Variants in ADAM28 observed in about 807,000 individuals in gnomAD.
ADAM28 encodes ADAM metallopeptidase domain 28.
In ADAM28, 105 loss-of-function variants were observed where a neutral mutation model predicts 101.2. The observed-to-expected ratio is 1.04, with a 90% CI of 0.89 to 1.22. The LOEUF (loss-of-function observed/expected upper bound fraction) is 1.22, where lower values mean the gene tolerates loss of function less well. Among genes scored for constraint, ADAM28 ranks in the 50% most tolerant of loss-of-function variants. The pLI, the probability that ADAM28 is intolerant of heterozygous loss-of-function variation, is 0.00. For missense variants in ADAM28, 1,028 were observed against 945.4 expected, an observed-to-expected ratio of 1.09 and a Z score of -1.15; for synonymous variants, 322 against 310.6, an observed-to-expected ratio of 1.04 and a Z score of -0.39.
At chr8:24,302,334 C>A (rs758577606) in intron 2 of ADAM28, among the ~76,000 whole-genome samples, 1 of 152,174 alleles carries the variant, frequency 6.6e-6, no homozygotes, top group South Asian at 2.1e-4. Flanking sequence ...TTTATCCAGT[C>A]TCTCACTCAT....
At chr8:24,330,301 G>A (rs1199375197) in intron 11 of ADAM28, among the ~76,000 whole-genome samples, 186 bp downstream of exon 11, 1 of 152,102 alleles carries the variant, frequency 6.6e-6, no homozygotes, top group South Asian at 2.1e-4. Flanking sequence ...TAAACATATT[G>A]TCTCTTTGCT....
At chr8:24,304,686 T>C (rs1008891534) in intron 2 of ADAM28, among the ~76,000 whole-genome samples, 2 of 151,980 alleles carry the variant, frequency 1.3e-5, no homozygotes, top group Non-Finnish European at 2.9e-5. Context: ...GCCAAGGTTG[T>C]GAAACCTGTC....
chr8:24,351,935 C>G, intron 20 of ADAM28, 52 bp from the exon 21 acceptor site: 2 of 1,589,272 alleles, frequency 1.3e-6, no homozygotes, highest in Non-Finnish European at 8.6e-7. Flanking sequence ...TACTTAAAAA[C>G]TGTGCTTATG....
rs780756037 is a variant in ADAM28, at chr8:24,339,480, GAT to G, written c.1584_1585del (p.Asp528GlufsTer8). 2 of 1,613,028 alleles carry G rather than the reference GAT, an allele frequency of 1.2e-6. No individual in the cohort carries two copies. The highest frequency in any genetic ancestry group is 2.2e-5 in the South Asian group (2 of 90,838). On this transcript the variant is annotated frameshift_variant, in exon 15 of 23. Transcript: ENST00000265769. LOFTEE classifies it high-confidence loss of function. ...ELWGPGTEVADKSCYNRNEGG... is the reference protein window; with the variant it reads ...ELWGPGTEVAXKSCYNRNEGG... ...CCTGGTCCCAGGAACTGAGGTTGCAGATAAGTCATGTTACAACAGGAATGAAG... is the reference window on the plus strand; with the variant it reads ...CCTGGTCCCAGGAACTGAGGTTGCAGAAGTCATGTTACAACAGGAATGAAG...
At chr8:24,319,465 T>C (rs1448893392) in intron 6 of ADAM28, among the ~76,000 whole-genome samples, 2 of 151,930 alleles carry the variant, frequency 1.3e-5, no homozygotes, top group Admixed American at 6.6e-5. Flanking sequence ...TAATAAATAT[T>C]TCGTTCCCAT....
chr8:24,310,169 C>T lies in ADAM28; in HGVS notation c.234C>T (p.Leu78=). ...AVLYLKKNKN[L]LAPGYTETYY... is the part of the protein sequence containing the mutation. Reference sequence around the variant, plus strand: ...TTTGTGTTTCTTTCTCCAGGAACCTCCTTGCACCAGGCTACACGGAAACAT... The same window carrying T: ...TTTGTGTTTCTTTCTCCAGGAACCTTCTTGCACCAGGCTACACGGAAACAT... The change falls in exon 4 of 23, where the codon CTC becomes CTT. Residue 78 remains leucine, a synonymous_variant. Transcript: ENST00000265769. The T allele has an allele frequency of 6.2e-7, 1 of 1,613,378 alleles. No individual in the cohort carries two copies. Among genetic ancestry groups the T allele is most frequent in the African/African-American group, 1.3e-5 (1 of 74,968 alleles).
intron 3 of ADAM28, 53 bp downstream of exon 3, chr8:24,310,023 G>T: frequency 1.3e-6 from 2 of 1,488,256 alleles, no homozygotes; most frequent in Non-Finnish European, 1.9e-6. Flanking sequence ...GCAGCCTATG[G>T]AGAGTGTGCT....
At chr8:24,320,412 A>T in intron 7 of ADAM28, 105 bp downstream of exon 7, 4 of 778,848 alleles carry the variant, frequency 5.1e-6, no homozygotes, top group Non-Finnish European at 8.4e-6. Context: ...AGAATCATGA[A>T]TATGAGCTAT....
intron 18 of ADAM28, 61 bp downstream of exon 18, chr8:24,343,645 G>A (rs1383405706): frequency 6.8e-7 from 1 of 1,460,884 alleles, no homozygotes; most frequent in African/African-American, 1.4e-5. Flanking sequence ...CCTTTATTTT[G>A]TATTATATGA....
chr8:24,351,509 A>G, intron 20 of ADAM28, 199 bp downstream of exon 20: 1 of 647,582 alleles, frequency 1.5e-6, no homozygotes, highest in South Asian at 1.7e-5. Flanking sequence ...CATGAAATGC[A>G]AACAGAATAA....
In ADAM28 at chr8:24,294,200, A is replaced by T. The variant is rs751939730; in HGVS notation, c.46+5A>T. ...GTCTCCTCCTCTCTGTTGCAGGTAC[A>T]TATTTAGCTCTTTTTCAGGTTCTAT... On this transcript the variant is annotated splice_donor_5th_base_variant and intron_variant, in intron 1 of 22. Transcript: ENST00000265769. The T allele has an allele frequency of 6.2e-7, 1 of 1,614,066 alleles. No individual in the cohort carries two copies.
At chr8:24,307,933 A>G (rs1376084830) in intron 2 of ADAM28, among the ~76,000 whole-genome samples, 1 of 152,180 alleles carries the variant, frequency 6.6e-6, no homozygotes. Context: ...CTGTTGTATT[A>G]CTAGAATTAA....
rs781204217 is a variant in ADAM28, at chr8:24,331,253, G to T, written c.1207G>T (p.Asp403Tyr). 1 of 1,612,986 alleles carries T rather than the reference G, an allele frequency of 6.2e-7. No homozygotes were observed. The highest frequency in any genetic ancestry group is 8.5e-7 in the Non-Finnish European group (1 of 1,179,500). Residue 403 changes from aspartate (D) to tyrosine (Y), a missense_variant, in exon 12 of 23, where the codon GAT (aspartate) becomes TAT (tyrosine). By Grantham distance (160) the Asp-to-Tyr change is radical. Coordinates refer to ENST00000265769, the MANE Select transcript of ADAM28 (RefSeq NM_014265.6). ...CCTCTTTAATGCTCCATTGCCTACA[G>T]ATATCATATCCACTCCAATTTGTGG... Reference protein sequence around the residue: ...NCLFNAPLPTDIISTPICGNQ... With the variant: ...NCLFNAPLPTYIISTPICGNQ...
chr8:24,347,335 T>C (rs746725125), intron 18 of ADAM28, among the ~76,000 whole-genome samples: 9 of 152,108 alleles, frequency 5.9e-5, no homozygotes, highest in Non-Finnish European at 1.0e-4. Context: ...TTGGGTGATA[T>C]TGGACTGTGA....
intron 5 of ADAM28, among the ~76,000 whole-genome samples, chr8:24,312,850 G>GATAAT (rs1412958591): frequency 6.6e-6 from 1 of 152,096 alleles, no homozygotes; most frequent in East Asian, 1.9e-4. Flanking sequence ...AGAAGAAATT[G>GATAAT]ATAATATTTA....
intron 2 of ADAM28, among the ~76,000 whole-genome samples, chr8:24,309,344 G>A (rs1468740454): frequency 1.3e-5 from 2 of 152,108 alleles, no homozygotes; most frequent in East Asian, 3.9e-4. Context: ...AAAATCATGA[G>A]ATGTGATAGA....
chr8:24,333,020 G>T (rs1375007199), intron 13 of ADAM28, among the ~76,000 whole-genome samples: 2 of 152,150 alleles, frequency 1.3e-5, no homozygotes, highest in African/African-American at 4.8e-5. Context: ...ATTTGCTACA[G>T]CCTGGATACA....
Position 24,348,842 on chromosome 8 carries a change from T to C in ADAM28, c.1991-1022T>C, listed in dbSNP as rs1457803601. On this transcript the variant is annotated intron_variant, in intron 18 of 22. Transcript: ENST00000265769. ...TTTGTGAAGTACTGCCAAATTCCCATTTATTTCTCTGATAATATGTCATTC... is the reference window on the plus strand; with the variant it reads ...TTTGTGAAGTACTGCCAAATTCCCACTTATTTCTCTGATAATATGTCATTC... Among the ~76,000 whole-genome samples the C allele has an allele frequency of 2.6e-5, 4 of 152,228 alleles. 1 individual carries two copies. Among genetic ancestry groups the C allele is most frequent in the Non-Finnish European group, 5.9e-5 (4 of 68,048 alleles).
At chr8:24,327,208 C>G (rs1338826805) in intron 10 of ADAM28, among the ~76,000 whole-genome samples, 1 of 152,026 alleles carries the variant, frequency 6.6e-6, no homozygotes, top group Non-Finnish European at 1.5e-5. Context: ...TCAGGATACA[C>G]AGTCAATGTG....
Sources: gnomAD v4.1 joint callset for allele counts (sites outside exome capture counted in the v4.1 genomes callset) on GRCh38, gnomAD v4.1.1 for gene constraint, MANE v1.5 for transcripts, NCBI Gene and HGNC (gene_info 2026-07-23, HGNC 2026-07-21) for gene names.